Variants in PCDHA4 observed in about 807,000 individuals in gnomAD.
PCDHA4 encodes protocadherin alpha-4.
PCDHA4 carries 49 observed loss-of-function variants against 61.4 expected under a neutral mutation model. That is an observed-to-expected ratio of 0.80 (90% CI 0.63 to 1.01). PCDHA4 has a LOEUF of 1.01. Ranked by LOEUF, PCDHA4 falls within the 50% of genes least tolerant of loss-of-function variation. The pLI is 0.00. For synonymous variants in PCDHA4, 590 were observed against 550.3 expected, an observed-to-expected ratio of 1.07 and a Z score of -1.01; for missense variants, 1,254 against 1,235.8, an observed-to-expected ratio of 1.01 and a Z score of -0.22.
chr5:140,824,004 G>A lies in PCDHA4; in HGVS notation c.2385+14432G>A, dbSNP rs2150131362. The A allele has an allele frequency of 1.3e-5, 21 of 1,613,988 alleles. No individual in the cohort carries two copies. The African/African-American group carries it at 2.4e-4, about 18-fold the overall frequency. ...AGCCCACTCTGTTGTGCTCCAGCGC[G>A]GTGGGGAGCTGGTCGTACTCGCAGC... On this transcript the variant is annotated intron_variant, in intron 1 of 3. Transcript: ENST00000530339.
chr5:140,890,585 A>G (rs1158719431), intron 1 of PCDHA4, among the ~76,000 whole-genome samples: 1 of 152,086 alleles, frequency 6.6e-6, no homozygotes, highest in Admixed American at 6.5e-5. Context: ...TATTATTTGG[A>G]AGCCCTTTTC....
In PCDHA4 at chr5:140,857,453, C is replaced by T. The variant is rs545328956; in HGVS notation, c.2385+47881C>T. 59 of 1,598,490 alleles carry T rather than the reference C, an allele frequency of 3.7e-5. 5 individuals carry two copies. The highest frequency in any genetic ancestry group is 5.1e-5 in the Non-Finnish European group (59 of 1,167,918). On this transcript the variant is annotated intron_variant, in intron 1 of 3. Coordinates refer to ENST00000530339, the MANE Select transcript of PCDHA4 (RefSeq NM_018907.4). ...GGTGTTCGTGAAGGAGAACAACCCG[C>T]CAGGCTGCCACATCTTCACGGTGTC...
At chr5:140,869,222 AAC>A (rs1554162674) in intron 1 of PCDHA4, 2 of 1,613,834 alleles carry the variant, frequency 1.2e-6, no homozygotes, top group South Asian at 2.2e-5. Context: ...GAGGAGGCCA[AAC>A]ACGGCACCTT....
At chr5:140,836,556 G>T (rs1441069501) in intron 1 of PCDHA4, 2 of 1,613,776 alleles carry the variant, frequency 1.2e-6, no homozygotes, top group Non-Finnish European at 1.7e-6. Flanking sequence ...GCGGTGCTCA[G>T]CGCCGTCCTC....
chr5:140,810,572 G>A (rs1764686057), intron 1 of PCDHA4: 1 of 152,160 alleles, frequency 6.6e-6, no homozygotes, highest in African/African-American at 2.4e-5. Context: ...TTTAAATGAA[G>A]TTGAGTACCT....
At chr5:140,868,907 A>T in intron 1 of PCDHA4, 1 of 869,128 alleles carries the variant, frequency 1.2e-6, no homozygotes, top group Non-Finnish European at 1.7e-6. Flanking sequence ...GTCGCTCTTT[A>T]CTTGGTGGAA....
At position 140,848,936 on chromosome 5, in the gene PCDHA4, G is replaced by T. The variant is rs2150425486; in HGVS notation, c.2385+39364G>T. On this transcript the variant is annotated intron_variant, in intron 1 of 3. Coordinates refer to ENST00000530339, the MANE Select transcript of PCDHA4 (RefSeq NM_018907.4). ...ATCTGTTCATCGCGGAATCCAGGCC[G>T]CTTGACTCTCGGTTTCCACTAGAGG... The T allele has an allele frequency of 3.7e-6, 6 of 1,607,362 alleles. 1 individual carries two copies. The highest frequency in any genetic ancestry group is 4.5e-5 in the East Asian group (2 of 44,818).
chr5:140,967,332 C>G, intron 1 of PCDHA4: 2 of 1,608,024 alleles, frequency 1.2e-6, no homozygotes, highest in Non-Finnish European at 1.7e-6. Context: ...GAGCTCAGCC[C>G]CAGCGAGCAC....
intron 1 of PCDHA4, among the ~76,000 whole-genome samples, chr5:140,909,448 C>A (rs547019806): frequency 6.6e-6 from 1 of 152,284 alleles, no homozygotes; most frequent in South Asian, 2.1e-4. Context: ...TGTCATTCTC[C>A]AAGATCCATC....
chr5:140,819,771 T>A (rs1766619279), intron 1 of PCDHA4, among the ~76,000 whole-genome samples: 2 of 152,090 alleles, frequency 1.3e-5, no homozygotes, highest in Admixed American at 6.5e-5. Flanking sequence ...TCCTGAAATA[T>A]CTATATAAGT....
chr5:140,927,209 A>G, intron 1 of PCDHA4: 2 of 1,614,092 alleles, frequency 1.2e-6, no homozygotes, highest in Non-Finnish European at 1.7e-6. Context: ...GACCCGCTGG[A>G]GCTGCACAAG....
chr5:140,829,622 C>T, intron 1 of PCDHA4: 1 of 1,612,190 alleles, frequency 6.2e-7, no homozygotes, highest in Admixed American at 1.7e-5. Context: ...CATTTCGGTG[C>T]ACGCGGAGAG....
intron 1 of PCDHA4, among the ~76,000 whole-genome samples, chr5:140,846,022 C>T (rs1294786212): frequency 1.3e-5 from 2 of 149,390 alleles, no homozygotes; most frequent in South Asian, 4.2e-4. Context: ...AAAGTTATTA[C>T]GAGTTTAGGA....
At chr5:140,882,375 C>G (rs879994353) in intron 1 of PCDHA4, 2 of 1,614,094 alleles carry the variant, frequency 1.2e-6, no homozygotes, top group Non-Finnish European at 1.7e-6. Context: ...TACTCCGTCC[C>G]CGAGGAAGCA....
intron 1 of PCDHA4, among the ~76,000 whole-genome samples, chr5:140,939,903 C>T (rs782506444): frequency 6.6e-6 from 1 of 152,046 alleles, no homozygotes; most frequent in African/African-American, 2.4e-5. Flanking sequence ...ATTCTGCATT[C>T]TTTTTTATTC....
chr5:140,879,470 T>C (rs73793510), intron 1 of PCDHA4, among the ~76,000 whole-genome samples: 2,106 of 152,256 alleles, frequency 0.014, 41 homozygotes, highest in African/African-American at 0.048. Flanking sequence ...GAGAATACCG[T>C]TGTGATTGGA....
In PCDHA4 at chr5:140,809,301, G is replaced by A; in HGVS notation, c.2114G>A (p.Cys705Tyr). The change falls in exon 1 of 4, where the codon TGC becomes TAC. Residue 705 changes from cysteine to tyrosine, a missense_variant. Cys to Tyr is a radical substitution (Grantham distance 194). Transcript: ENST00000530339. ...AACGTATACCTGATCATTGCCATCT[G>A]CGCGGTGTCCAGCCTTTTGGTGCTC... ...DVNVYLIIAI[C>Y]AVSSLLVLTL... 1 of 1,614,118 alleles carries A rather than the reference G, an allele frequency of 6.2e-7. No individual in the cohort carries two copies. Among genetic ancestry groups the A allele is most frequent in the Non-Finnish European group, 8.5e-7 (1 of 1,179,956 alleles).
chr5:140,950,435 A>T (rs2094483371), intron 1 of PCDHA4, among the ~76,000 whole-genome samples: 1 of 152,038 alleles, frequency 6.6e-6, no homozygotes, highest in Non-Finnish European at 1.5e-5. Flanking sequence ...CACTTAAAAA[A>T]AATGTTATTC....
At chr5:140,993,509 CGGGGAGAGAGAG>C (rs1563592888) in intron 3 of PCDHA4, among the ~76,000 whole-genome samples, 1 of 143,490 alleles carries the variant, frequency 7.0e-6, no homozygotes, top group Admixed American at 7.0e-5. Context: ...CACACACACA[CGGGGAGAGAGAG>C]ACAGAGAGAG....
Sources: gnomAD v4.1 joint callset for allele counts (sites outside exome capture counted in the v4.1 genomes callset) on GRCh38, gnomAD v4.1.1 for gene constraint, MANE v1.5 for transcripts, NCBI Gene and HGNC (gene_info 2026-07-23, HGNC 2026-07-21) for gene names.